LGR4: variants seen among roughly 807,000 people sequenced by gnomAD.
The protein encoded by LGR4 is leucine-rich repeat-containing G protein-coupled receptor 4.
In LGR4, 44 loss-of-function variants were observed where a neutral mutation model predicts 84.8. The ratio of observed to expected loss-of-function variants is 0.52; its 90% CI spans 0.41 to 0.67. The LOEUF is 0.67. Among genes scored for constraint, LGR4 ranks in the 30% least tolerant of loss-of-function variants. LGR4 has a pLI of 0.00. For synonymous variants in LGR4, 429 were observed against 434.3 expected (o/e 0.99, Z 0.15); for missense variants, 1,032 against 1,131.4 (o/e 0.91, Z 1.26).
chr11:27,409,146 C>T (rs996497462), intron 2 of LGR4, among the ~76,000 whole-genome samples: 6 of 152,048 alleles, frequency 3.9e-5, no homozygotes, highest in African/African-American at 1.4e-4. Flanking sequence ...ATCTAAAGTA[C>T]ATTTCACTGA....
intron 1 of LGR4, among the ~76,000 whole-genome samples, chr11:27,444,961 G>A (rs1207315220): frequency 1.3e-5 from 2 of 152,164 alleles, no homozygotes; most frequent in African/African-American, 4.8e-5. Flanking sequence ...ATTCTGGGGA[G>A]TTACTTTCAA....
chr11:27,467,902 A>G, intron 1 of LGR4, among the ~76,000 whole-genome samples: 1 of 152,256 alleles, frequency 6.6e-6, no homozygotes, highest in African/African-American at 2.4e-5. Flanking sequence ...GCATCTCTAG[A>G]AAGACACACA....
At chr11:27,434,686 G>T (rs1468217334) in intron 1 of LGR4, among the ~76,000 whole-genome samples, 1 of 152,158 alleles carries the variant, frequency 6.6e-6, no homozygotes, top group East Asian at 1.9e-4. Flanking sequence ...GTGACTCCTA[G>T]AATTCTGGTA....
At chr11:27,437,845 G>A (rs953679598) in intron 1 of LGR4, among the ~76,000 whole-genome samples, 2 of 151,930 alleles carry the variant, frequency 1.3e-5, no homozygotes, top group Non-Finnish European at 2.9e-5. Flanking sequence ...CTACAAAAAA[G>A]ATTAAAAAAT....
At chr11:27,426,575 G>T (rs1420142460) in intron 1 of LGR4, among the ~76,000 whole-genome samples, 1 of 152,168 alleles carries the variant, frequency 6.6e-6, no homozygotes, top group Non-Finnish European at 1.5e-5. Flanking sequence ...CTGTGCCTCA[G>T]TTTCTGCAAG....
At chr11:27,381,543 G>T (rs564063753) in intron 7 of LGR4, among the ~76,000 whole-genome samples, 1 of 152,078 alleles carries the variant, frequency 6.6e-6, no homozygotes, top group East Asian at 1.9e-4. Flanking sequence ...TTAGCTGGGC[G>T]TGGTGGTGCA....
intron 2 of LGR4, 21 bp from the exon 3 acceptor site, chr11:27,392,539 A>G: frequency 6.0e-6 from 9 of 1,497,800 alleles, no homozygotes; most frequent in Non-Finnish European, 8.1e-6. Context: ...AAAAAAAAAA[A>G]GTAGCAAGAA....
rs368363721 is a variant in LGR4 at position 27,373,541 on chromosome 11, A to G, written c.1379+10T>C. ...ACTTCAACAAAAAAGAAAAATAAGC[A>G]AAAACACACCTGAGGTTAACAAAGT... On this transcript the variant is annotated intron_variant, in intron 15 of 17. Coordinates refer to ENST00000379214, the MANE Select transcript of LGR4 (RefSeq NM_018490.5). The G allele has an allele frequency of 9.9e-6, 15 of 1,516,248 alleles. No homozygotes were observed. In the African/African-American group the frequency reaches 1.5e-4, roughly 15 times the overall value. 93.9% of individuals were successfully genotyped at this position (1,516,248 alleles called of 1,614,324 possible).
intron 1 of LGR4, among the ~76,000 whole-genome samples, chr11:27,416,969 C>T (rs2133404015): frequency 6.6e-6 from 1 of 152,200 alleles, no homozygotes; most frequent in East Asian, 1.9e-4. Flanking sequence ...CCTAAGCAAG[C>T]CTAACCTGTT....
intron 17 of LGR4, among the ~76,000 whole-genome samples, chr11:27,370,412 AC>A: frequency 6.6e-6 from 1 of 152,288 alleles, no homozygotes; most frequent in South Asian, 2.1e-4. Context: ...CCTTTTGAGA[AC>A]CCTTTTATGG....
At chr11:27,460,504 T>G (rs1203369685) in intron 1 of LGR4, among the ~76,000 whole-genome samples, 34 of 152,204 alleles carry the variant, frequency 2.2e-4, no homozygotes. Flanking sequence ...GTGAAATACA[T>G]GATTAGGTGG....
intron 2 of LGR4, among the ~76,000 whole-genome samples, chr11:27,398,908 T>A (rs1475107738): frequency 6.6e-6 from 1 of 152,100 alleles, no homozygotes; most frequent in Non-Finnish European, 1.5e-5. Flanking sequence ...TCTCTCTCTC[T>A]CTCTTTCTCT....
chr11:27,385,372 C>T lies in LGR4; in HGVS notation c.498G>A (p.Thr166=), dbSNP rs1293374967. The change falls in exon 5 of 18, where the codon ACG becomes ACA. Residue 166 remains threonine (T), a synonymous_variant. Coordinates refer to ENST00000379214, the MANE Select transcript of LGR4 (RefSeq NM_018490.5). The part of the protein sequence containing the change: ...RHLWLDDNSL[T]EVPVHPLSNL... ...TGCTGAGGGGGTGCACAGGCACCTC[C>T]GTCAAGCTGTTGTCATCCAGCCACA... The T allele has an allele frequency of 1.6e-5, 25 of 1,612,354 alleles. No homozygotes were observed. Among genetic ancestry groups the T allele is most frequent in the Non-Finnish European group, 1.9e-5 (22 of 1,179,390 alleles).
chr11:27,454,159 T>C (rs1466380511), intron 1 of LGR4, among the ~76,000 whole-genome samples: 1 of 152,168 alleles, frequency 6.6e-6, no homozygotes, highest in Non-Finnish European at 1.5e-5. Context: ...CAATTGCCAA[T>C]CCGAAAATTT....
Position 27,412,749 on chromosome 11 carries a change from GA to G in LGR4, c.257+39del, listed in dbSNP as rs761715509. On this transcript the variant is annotated intron_variant, in intron 2 of 17. Transcript: ENST00000379214. ...GCAAAAGCTTCCAAAATGAATTGGG[GA>G]AAAAGACATACACACACATTTCTCA... is the stretch of plus-strand genomic sequence containing the variant. 2.2e-5 allele frequency: 27 copies of G among 1,204,902 alleles called. No homozygotes were observed. The African/African-American group carries it at 3.1e-4, about 14-fold the overall frequency. 74.6% of individuals were successfully genotyped at this position (1,204,902 alleles called of 1,614,324 possible).
In LGR4 at chr11:27,373,577, T is replaced by C; in HGVS notation, c.1353A>G (p.Leu451=). The change falls in exon 15 of 18, where the codon TTA becomes TTG. Residue 451 remains leucine, a synonymous_variant. Coordinates refer to ENST00000379214, the MANE Select transcript of LGR4 (RefSeq NM_018490.5). ...LVGNFKLKEA[L]AAKDFVNLRS... ...TGAGGTTAACAAAGTCTTTTGCTGC[T>C]AAGGCTTCTTTCAGCTTGAAGTTGC... 6.3e-7 allele frequency: 1 copy of C among 1,595,136 alleles called. No individual in the cohort carries two copies. Among genetic ancestry groups the C allele is most frequent in the Non-Finnish European group, 8.6e-7 (1 of 1,168,878 alleles).
At chr11:27,423,918 A>G (rs1164616470) in intron 1 of LGR4, among the ~76,000 whole-genome samples, 3 of 152,288 alleles carry the variant, frequency 2.0e-5, no homozygotes, top group Non-Finnish European at 2.9e-5. Context: ...AATTTGCTTA[A>G]TAAGAAAAAA....
intron 2 of LGR4, among the ~76,000 whole-genome samples, chr11:27,398,425 A>G (rs1274676146): frequency 6.6e-6 from 1 of 152,218 alleles, no homozygotes; most frequent in Non-Finnish European, 1.5e-5. Flanking sequence ...GATGGGACTT[A>G]GGTTTCTTGT....
intron 1 of LGR4, among the ~76,000 whole-genome samples, chr11:27,457,637 A>G (rs1341355979): frequency 1.3e-5 from 2 of 152,220 alleles, no homozygotes; most frequent in East Asian, 1.9e-4. Context: ...TACATTTACC[A>G]TATGACCCAG....
Sources: allele counts gnomAD v4.1 joint callset (sites outside exome capture counted in the v4.1 genomes callset), GRCh38; gene constraint gnomAD v4.1.1; transcripts MANE v1.5; gene names NCBI Gene and HGNC (gene_info 2026-07-23, HGNC 2026-07-21).